The following BMP2K variants were observed in gnomAD, a reference collection of about 807,000 sequenced individuals.
BMP2K encodes the protein BMP2 inducible kinase, also known as BMP-2-inducible protein kinase.
BMP2K carries 74 observed loss-of-function variants against 116.0 expected under a neutral mutation model. The ratio of observed to expected loss-of-function variants is 0.64; its 90% confidence interval spans 0.53 to 0.77. BMP2K has a LOEUF of 0.77. BMP2K is among the 30% of genes least tolerant of loss of function. BMP2K has a pLI of 0.00. For synonymous variants in BMP2K, 486 were observed against 502.5 expected, an observed-to-expected ratio of 0.97 and a Z score of 0.44; for missense variants, 1,365 against 1,403.6, an observed-to-expected ratio of 0.97 and a Z score of 0.44.
intron 15 of BMP2K, among the ~76,000 whole-genome samples, chr4:78,890,835 G>A (rs1733394460): frequency 6.6e-6 from 1 of 151,990 alleles, no homozygotes; most frequent in South Asian, 2.1e-4. Context: ...CCTTTTTCTT[G>A]GTTTGTTAGT....
At chr4:78,873,964 G>A (rs896095284) in intron 13 of BMP2K, among the ~76,000 whole-genome samples, 2 of 152,024 alleles carry the variant, frequency 1.3e-5, no homozygotes, top group African/African-American at 4.8e-5. Context: ...CGGATCACGA[G>A]GTCAGGAGAT....
chr4:78,809,300 C>G (rs1728968354), intron 1 of BMP2K, among the ~76,000 whole-genome samples: 1 of 151,990 alleles, frequency 6.6e-6, no homozygotes, highest in Non-Finnish European at 1.5e-5. Flanking sequence ...TTATTATATA[C>G]ATGGTGTTAC....
intron 1 of BMP2K, among the ~76,000 whole-genome samples, chr4:78,813,463 C>T (rs1433935710): frequency 6.6e-6 from 1 of 152,194 alleles, no homozygotes; most frequent in African/African-American, 2.4e-5. Flanking sequence ...TGACATTACC[C>T]TCATCCGTAA....
chr4:78,906,073 T>C (rs1734268601), intron 15 of BMP2K: 1 of 152,098 alleles, frequency 6.6e-6, no homozygotes, highest in Non-Finnish European at 1.5e-5. Context: ...GATGAATAGA[T>C]GATTAAGTAG....
At chr4:78,853,566 G>A (rs1432790588) in intron 7 of BMP2K, among the ~76,000 whole-genome samples, 4 of 152,114 alleles carry the variant, frequency 2.6e-5, no homozygotes, top group Non-Finnish European at 5.9e-5. Flanking sequence ...TATGAAGAAT[G>A]TACTGAAAGC....
At chr4:78,809,717 CTT>C (rs1437277076) in intron 1 of BMP2K, among the ~76,000 whole-genome samples, 2 of 144,110 alleles carry the variant, frequency 1.4e-5, no homozygotes, top group Non-Finnish European at 3.0e-5. Flanking sequence ...ATTTCTGACT[CTT>C]TATTAACATT....
At chr4:78,895,861 A>G (rs2110086297) in intron 15 of BMP2K, among the ~76,000 whole-genome samples, 1 of 144,184 alleles carries the variant, frequency 6.9e-6, no homozygotes. Context: ...TCCTGAGCTC[A>G]AGCAGTCCTC....
intron 13 of BMP2K, among the ~76,000 whole-genome samples, chr4:78,874,971 C>T (rs1198993786): frequency 6.6e-6 from 1 of 152,106 alleles, no homozygotes; most frequent in Non-Finnish European, 1.5e-5. Flanking sequence ...TATTGGGTTG[C>T]ATATCTGGGA....
intron 15 of BMP2K, among the ~76,000 whole-genome samples, chr4:78,894,669 C>G (rs1159468445): frequency 1.3e-5 from 2 of 152,218 alleles, no homozygotes; most frequent in Non-Finnish European, 2.9e-5. Context: ...TACCGTTCAT[C>G]ACTGATCACT....
chr4:78,837,064 T>A (rs2110015549), intron 3 of BMP2K, among the ~76,000 whole-genome samples: 1 of 152,000 alleles, frequency 6.6e-6, no homozygotes, highest in Admixed American at 6.5e-5. Context: ...TCTAGATTGA[T>A]AATCCTCTGA....
At chr4:78,897,663 C>T (rs923420284) in intron 15 of BMP2K, among the ~76,000 whole-genome samples, 2 of 151,988 alleles carry the variant, frequency 1.3e-5, no homozygotes, top group African/African-American at 2.4e-5. Flanking sequence ...TTTTTTATAG[C>T]GCTAAGTATC....
chr4:78,895,995 C>G (rs978558880), intron 15 of BMP2K, among the ~76,000 whole-genome samples: 1 of 152,104 alleles, frequency 6.6e-6, no homozygotes, highest in African/African-American at 2.4e-5. Flanking sequence ...TTTCTGGGTT[C>G]AAGCAATCCT....
intron 14 of BMP2K, among the ~76,000 whole-genome samples, chr4:78,886,050 G>C (rs1733061459): frequency 6.6e-6 from 1 of 152,062 alleles, no homozygotes; most frequent in East Asian, 1.9e-4. Flanking sequence ...TTTATTACAT[G>C]CTTGGTGAAA....
chr4:78,840,893 A>G (rs1231615369), intron 3 of BMP2K, among the ~76,000 whole-genome samples: 1 of 152,208 alleles, frequency 6.6e-6, no homozygotes, highest in Non-Finnish European at 1.5e-5. Context: ...TTCTTTAGCT[A>G]TGATATGATA....
intron 9 of BMP2K, among the ~76,000 whole-genome samples, chr4:78,865,029 A>G (rs188078487): frequency 1.3e-5 from 2 of 152,354 alleles, no homozygotes; most frequent in East Asian, 1.9e-4. Flanking sequence ...TTCTAAGTAA[A>G]GCAAAGTTAA....
chr4:78,804,046 A>G (rs937323008), intron 1 of BMP2K, among the ~76,000 whole-genome samples: 1 of 152,162 alleles, frequency 6.6e-6, no homozygotes, highest in Admixed American at 6.5e-5. Context: ...TTGTTGTGAA[A>G]CACCACCACT....
At chr4:78,884,347 C>CA (rs1209705520) in intron 14 of BMP2K, among the ~76,000 whole-genome samples, 2 of 151,344 alleles carry the variant, frequency 1.3e-5, no homozygotes, top group African/African-American at 2.4e-5. Flanking sequence ...ATAAAACAAA[C>CA]AAAAAAAACC....
intron 6 of BMP2K, 112 bp downstream of exon 6, chr4:78,847,381 TGATGTACAGTA>T (rs1263993656): frequency 9.1e-6 from 5 of 551,834 alleles, no homozygotes; most frequent in Non-Finnish European, 1.2e-5. Flanking sequence ...TAGAAGAGAG[TGATGTACAGTA>T]GAGCTTCTTA....
Position 78,870,656 on chromosome 4 carries a change from A to C in BMP2K, c.1232-127A>C, listed in dbSNP as rs527886302. On this transcript the variant is annotated intron_variant, in intron 10 of 15. Transcript: ENST00000502613. ...TCCCTATAAACTCTATGCATATGGA[A>C]GTTTTTGTGTTATAAATAAGGATAT... 3.9e-6 allele frequency: 5 copies of C among 1,282,264 alleles called. No homozygotes were observed. In the African/African-American group the frequency reaches 6.0e-5, roughly 15 times the overall value. 79.4% of individuals were successfully genotyped at this position (1,282,264 alleles called of 1,614,324 possible).
Sources: allele counts gnomAD v4.1 joint callset (sites outside exome capture counted in the v4.1 genomes callset), GRCh38; gene constraint gnomAD v4.1.1; transcripts MANE v1.5; gene names NCBI Gene and HGNC (gene_info 2026-07-23, HGNC 2026-07-21).